DMD: variants seen among roughly 807,000 people sequenced by gnomAD.
The protein encoded by DMD is dystrophin.
DMD carries 63 observed loss-of-function variants against 330.1 expected under a neutral mutation model. That is an observed-to-expected ratio of 0.19 (90% CI 0.16 to 0.24). The LOEUF (loss-of-function observed/expected upper bound fraction) is 0.24, where lower values mean the gene tolerates loss of function less well. Among genes scored for constraint, DMD ranks in the 10% least tolerant of loss-of-function variants. DMD has a pLI of 1.00. For missense variants in DMD, 3,344 were observed against 2,684.1 expected (o/e 1.25, Z -5.43); for synonymous variants, 1,223 against 959.8 (o/e 1.27, Z -5.07).
At chrX:32,994,239 C>T (rs745627901) in intron 2 of DMD, among the ~76,000 whole-genome samples, 31 of 109,387 alleles carry the variant, frequency 2.8e-4, no homozygotes, top group Non-Finnish European at 4.9e-4. Context: ...TTCTCACTTC[C>T]GCTGTTTCCC....
In DMD at chrX:31,496,793, G is replaced by A; in HGVS notation, c.8542C>T (p.His2848Tyr). Reference protein sequence around the residue: ...FPAVQKQNDVHRAFKRELKTK... With the variant: ...FPAVQKQNDVYRAFKRELKTK... Reference sequence around the variant, plus strand: ...GAGGCTTAAAAATGTCCTACCCTATGTACATCGTTCTGCTTCTGAACTGCT... The same window carrying A: ...GAGGCTTAAAAATGTCCTACCCTATATACATCGTTCTGCTTCTGAACTGCT... Residue 2848 changes from histidine to tyrosine, a missense_variant, in exon 57 of 79, where the codon CAT becomes TAT. His to Tyr is a moderately conservative substitution (Grantham distance 83, BLOSUM62 2). Transcript: ENST00000357033. 2.5e-6 allele frequency: 3 copies of A among 1,211,968 alleles called. No homozygotes were observed. Among genetic ancestry groups the A allele is most frequent in the Non-Finnish European group, 3.4e-6 (3 of 895,497 alleles).
intron 44 of DMD, among the ~76,000 whole-genome samples, chrX:32,056,608 T>C (rs2096177464): frequency 9.0e-6 from 1 of 110,511 alleles, no homozygotes; most frequent in African/African-American, 3.3e-5. Context: ...CCGAAACTAG[T>C]AAGGAGATTG....
intron 1 of DMD, among the ~76,000 whole-genome samples, chrX:33,178,848 A>G (rs758339073): frequency 2.7e-5 from 3 of 111,998 alleles, no homozygotes; most frequent in Non-Finnish European, 5.6e-5. Flanking sequence ...TTTTGAGTAT[A>G]AGGTATTTAT....
intron 1 of DMD, among the ~76,000 whole-genome samples, chrX:33,314,968 A>T (rs970963505): frequency 2.7e-5 from 3 of 110,127 alleles, no homozygotes; most frequent in African/African-American, 9.9e-5. Context: ...ACAGGCATGC[A>T]CCACCATGCC....
intron 16 of DMD, 30 bp from the exon 17 acceptor site, chrX:32,545,364 C>T (rs762254158): frequency 8.4e-7 from 1 of 1,193,229 alleles, no homozygotes; most frequent in Non-Finnish European, 1.1e-6. Flanking sequence ...AGAGGTCAGA[C>T]ATTGCTAGAA....
chrX:32,280,444 C>G (rs985348540), intron 43 of DMD, among the ~76,000 whole-genome samples: 2 of 110,080 alleles, frequency 1.8e-5, no homozygotes, highest in Non-Finnish European at 3.8e-5. Context: ...AGCTCAGAAA[C>G]CAACAGTAAG....
At chrX:32,871,856 A>C (rs2083022476) in intron 2 of DMD, among the ~76,000 whole-genome samples, 1 of 110,998 alleles carries the variant, frequency 9.0e-6, no homozygotes, top group African/African-American at 3.3e-5. Context: ...GCTTGCTAGA[A>C]TATGGTTTGG....
chrX:31,813,697 T>C (rs2092529810), intron 50 of DMD, among the ~76,000 whole-genome samples: 1 of 112,038 alleles, frequency 8.9e-6, no homozygotes, highest in South Asian at 3.7e-4. Flanking sequence ...GTCCATTGGT[T>C]AAGTGCTATT....
intron 52 of DMD, among the ~76,000 whole-genome samples, chrX:31,718,625 CCT>C (rs1230123666): frequency 1.8e-5 from 2 of 110,601 alleles, no homozygotes; most frequent in African/African-American, 6.6e-5. Context: ...CTCTGCACCA[CCT>C]CTCTCCCCAA....
At chrX:31,288,998 G>T (rs1005214035) in intron 62 of DMD, among the ~76,000 whole-genome samples, 16 of 110,077 alleles carry the variant, frequency 1.5e-4, no homozygotes, top group African/African-American at 4.3e-4. Context: ...TAAAATTTTA[G>T]TCTAGGTGTG....
intron 11 of DMD, among the ~76,000 whole-genome samples, chrX:32,640,742 G>T (rs2059394497): frequency 9.0e-6 from 1 of 111,281 alleles, no homozygotes; most frequent in African/African-American, 3.3e-5. Context: ...GTCTTAACTG[G>T]CCAACTTCAC....
intron 51 of DMD, among the ~76,000 whole-genome samples, chrX:31,735,618 T>C (rs1016726947): frequency 5.3e-5 from 6 of 112,425 alleles, no homozygotes; most frequent in Non-Finnish European, 1.1e-4. Context: ...ATGACCATTA[T>C]TTCCAAGGAG....
chrX:32,307,401 G>A (rs1007019986), intron 42 of DMD, among the ~76,000 whole-genome samples: 1 of 111,389 alleles, frequency 9.0e-6, no homozygotes. Flanking sequence ...GGGAACACGG[G>A]GGATGCAGAA....
intron 38 of DMD, among the ~76,000 whole-genome samples, chrX:32,346,421 A>C (rs1184391132): frequency 4.5e-5 from 5 of 111,481 alleles, no homozygotes; most frequent in Non-Finnish European, 9.4e-5. Context: ...AAAACATTAG[A>C]GAAATGAGCT....
At chrX:32,164,821 C>T (rs773026235) in intron 44 of DMD, among the ~76,000 whole-genome samples, 49 of 110,742 alleles carry the variant, frequency 4.4e-4, no homozygotes, top group African/African-American at 1.3e-3. Context: ...CCACTGTGTG[C>T]GGCATCAGGA....
chrX:31,889,643 TCTCTCACACA>T (rs1569499469), intron 47 of DMD, among the ~76,000 whole-genome samples: 1 of 68,647 alleles, frequency 1.5e-5, no homozygotes, highest in Non-Finnish European at 2.7e-5. Flanking sequence ...TCTCTCTCTC[TCTCTCACACA>T]CACACACACA....
At chrX:31,269,810 A>C (rs2147784380) in intron 62 of DMD, among the ~76,000 whole-genome samples, 1 of 111,774 alleles carries the variant, frequency 8.9e-6, no homozygotes, top group South Asian at 3.8e-4. Context: ...GACCTAAGGG[A>C]CTGTGCAGGA....
At chrX:31,522,359 C>CTATATATATATATATATA (rs1163138588) in intron 55 of DMD, among the ~76,000 whole-genome samples, 7 of 53,987 alleles carry the variant, frequency 1.3e-4, no homozygotes, top group Non-Finnish European at 2.1e-4. Context: ...CTCTCTCTCT[C>CTATATATATATATATATA]TCTCTATATA....
intron 7 of DMD, among the ~76,000 whole-genome samples, chrX:32,781,304 G>A (rs542465867): frequency 3.7e-4 from 41 of 110,939 alleles, no homozygotes; most frequent in African/African-American, 1.3e-3. Context: ...AACATTAAGT[G>A]AGAATTATTT....
Sources: gnomAD v4.1 joint callset for allele counts (sites outside exome capture counted in the v4.1 genomes callset) on GRCh38, gnomAD v4.1.1 for gene constraint, MANE v1.5 for transcripts, NCBI Gene and HGNC (gene_info 2026-07-23, HGNC 2026-07-21) for gene names.